MAGI1: variants seen among roughly 807,000 people sequenced by gnomAD.
The protein encoded by MAGI1 is membrane associated guanylate kinase, WW and PDZ domain containing 1, also known as membrane-associated guanylate kinase, WW and PDZ domain-containing protein 1.
Under a neutral mutation model 139.9 loss-of-function variants are expected in MAGI1, and 58 were observed. The observed-to-expected ratio is 0.41, with a 90% confidence interval of 0.34 to 0.52. The LOEUF (loss-of-function observed/expected upper bound fraction) is 0.52, where lower values mean the gene tolerates loss of function less well. Ranked by LOEUF, MAGI1 falls within the 20% of genes least tolerant of loss-of-function variation. The probability of loss-of-function intolerance (pLI) is 0.12; values close to 1 mark genes in which losing one functional copy is unlikely to be tolerated. For synonymous variants in MAGI1, 812 were observed against 737.9 expected (o/e 1.10, Z -1.63); for missense variants, 1,874 against 1,901.6 (o/e 0.99, Z 0.27).
chr3:65,597,001 G>C (rs1471393970), intron 2 of MAGI1, among the ~76,000 whole-genome samples: 2 of 152,098 alleles, frequency 1.3e-5, no homozygotes, highest in African/African-American at 4.8e-5. Flanking sequence ...TTTTCCCCGA[G>C]AGCTTACAAA....
rs397950872 is a variant in MAGI1, at chr3:65,991,307, TA to T, written c.313+46688del. On this transcript the variant is annotated intron_variant, in intron 1 of 22. Transcript: ENST00000402939. ...TCTGTCTAAAAAAAAAAAAAAAAGG[TA>T]AAAAAAAAAAAAAAAGAAAGTTAAT... Among the ~76,000 whole-genome samples the T allele has an allele frequency of 6.9e-3, 749 of 109,234 alleles. 1 individual carries two copies. The highest frequency in any genetic ancestry group is 8.6e-3 in the Non-Finnish European group (445 of 51,450). The allele number at this position is 109,234 out of a possible 152,430, so 71.7% of individuals were successfully genotyped here. A position where few individuals can be genotyped will look rare whatever the true frequency, so the allele number is the denominator to read the frequency against.
intron 1 of MAGI1, among the ~76,000 whole-genome samples, chr3:65,766,600 G>A (rs1334411995): frequency 6.6e-6 from 1 of 151,754 alleles, no homozygotes; most frequent in Non-Finnish European, 1.5e-5. Flanking sequence ...TATTATAACA[G>A]AATAAGAGGC....
chr3:65,752,130 G>C (rs946057777), intron 1 of MAGI1, among the ~76,000 whole-genome samples: 1 of 151,896 alleles, frequency 6.6e-6, no homozygotes, highest in Non-Finnish European at 1.5e-5. Flanking sequence ...TGTATTTTTT[G>C]TACAAACAGG....
At chr3:65,640,631 C>A (rs1481405229) in intron 1 of MAGI1, among the ~76,000 whole-genome samples, 1 of 152,184 alleles carries the variant, frequency 6.6e-6, no homozygotes, top group Non-Finnish European at 1.5e-5. Flanking sequence ...TGGAAGGAAG[C>A]TGAAGAGTTC....
At chr3:65,467,422 C>G (rs886589344) in intron 5 of MAGI1, among the ~76,000 whole-genome samples, 7 of 152,026 alleles carry the variant, frequency 4.6e-5, no homozygotes, top group African/African-American at 1.7e-4. Context: ...AACAAAGTAA[C>G]AAGTATATAT....
intron 1 of MAGI1, among the ~76,000 whole-genome samples, chr3:65,710,941 G>A (rs569468864): frequency 6.6e-6 from 1 of 152,098 alleles, no homozygotes; most frequent in South Asian, 2.1e-4. Context: ...TCCTTGTTCT[G>A]TCCCCTAAAT....
chr3:65,659,963 C>A (rs2086102637), intron 1 of MAGI1, among the ~76,000 whole-genome samples: 1 of 152,156 alleles, frequency 6.6e-6, no homozygotes, highest in Admixed American at 6.5e-5. Flanking sequence ...CCACCCAGAA[C>A]CATACTGACA....
chr3:65,875,268 G>A (rs1218138185), intron 1 of MAGI1, among the ~76,000 whole-genome samples: 1 of 152,078 alleles, frequency 6.6e-6, no homozygotes. Context: ...AAAGGTAAAG[G>A]GTTTGTTGTT....
At position 65,636,915 on chromosome 3, in the gene MAGI1, AT is replaced by A. The variant is rs142353998; in HGVS notation, c.314-14828del. Among the ~76,000 whole-genome samples the A allele has an allele frequency of 9.9e-3, 1,501 of 152,342 alleles. 26 individuals are homozygous for A. Among genetic ancestry groups the A allele is most frequent in the African/African-American group, 0.034 (1,394 of 41,570 alleles). On this transcript the variant is annotated intron_variant, in intron 1 of 22. Transcript: ENST00000402939. ...CTTCAGACCCAGCCGACCAAATCTT[AT>A]CCCCTCAGCACAAAGGCTTCAATAT...
At chr3:65,517,939 C>A (rs1332728199) in intron 2 of MAGI1, among the ~76,000 whole-genome samples, 1 of 152,062 alleles carries the variant, frequency 6.6e-6, no homozygotes, top group Non-Finnish European at 1.5e-5. Flanking sequence ...TTGACTGGAT[C>A]CCAAATGATA....
chr3:65,550,158 C>T (rs1408936458), intron 2 of MAGI1, among the ~76,000 whole-genome samples: 2 of 152,268 alleles, frequency 1.3e-5, no homozygotes, highest in Non-Finnish European at 2.9e-5. Flanking sequence ...AAGTTTCTAT[C>T]CTGGTCCTAC....
intron 12 of MAGI1, among the ~76,000 whole-genome samples, chr3:65,422,716 C>A (rs76553760): frequency 6.6e-6 from 1 of 151,896 alleles, no homozygotes; most frequent in Admixed American, 6.6e-5. Flanking sequence ...GTGGGAGATG[C>A]TGCTTGATTT....
At chr3:65,360,557 G>A (rs1940737261) in intron 22 of MAGI1, 1 of 984,618 alleles carries the variant, frequency 1.0e-6, no homozygotes, top group African/African-American at 1.7e-5. Flanking sequence ...TTTCCCTCAT[G>A]ATGAGCACTG....
intron 4 of MAGI1, among the ~76,000 whole-genome samples, chr3:65,477,565 A>C (rs1950962884): frequency 6.6e-6 from 1 of 152,200 alleles, no homozygotes; most frequent in Non-Finnish European, 1.5e-5. Context: ...ACAACACTGT[A>C]GACTGAAGTT....
In MAGI1 at chr3:65,496,129, A is replaced by G. The variant is rs73115972; in HGVS notation, c.431-2498T>C. Among the ~76,000 whole-genome samples the G allele has an allele frequency of 4.2e-3, 640 of 152,092 alleles. 5 individuals are homozygous for G. The highest frequency in any genetic ancestry group is 4.5e-3 in the Non-Finnish European group (309 of 67,990). ...GAATCACAGCTCACTATCTCCTTGA[A>G]CTACTGGGCTCAAGAGATCCTCTCA... is the stretch of plus-strand genomic sequence containing the variant. On this transcript the variant is annotated intron_variant, in intron 2 of 22. Coordinates refer to ENST00000402939, the MANE Select transcript of MAGI1 (RefSeq NM_001033057.2).
chr3:66,020,905 T>C (rs1250681598), intron 1 of MAGI1, among the ~76,000 whole-genome samples: 1 of 152,104 alleles, frequency 6.6e-6, no homozygotes, highest in Non-Finnish European at 1.5e-5. Flanking sequence ...ATGAGCGCAC[T>C]ACCATATGCT....
chr3:65,840,734 C>T (rs986656948), intron 1 of MAGI1, among the ~76,000 whole-genome samples: 3 of 152,016 alleles, frequency 2.0e-5, no homozygotes, highest in African/African-American at 7.2e-5. Flanking sequence ...TGTTCTGTAG[C>T]TGTTTGTTTT....
At chr3:66,037,089 G>T (rs1406249596) in intron 1 of MAGI1, among the ~76,000 whole-genome samples, 1 of 152,094 alleles carries the variant, frequency 6.6e-6, no homozygotes, top group Non-Finnish European at 1.5e-5. Flanking sequence ...CTGCAGCAAG[G>T]GCTCAAACCC....
At chr3:65,785,043 AGTC>A (rs2039271121) in intron 1 of MAGI1, among the ~76,000 whole-genome samples, 1 of 152,334 alleles carries the variant, frequency 6.6e-6, no homozygotes, top group East Asian at 1.9e-4. Flanking sequence ...TTATACTGAT[AGTC>A]GCACACGCTG....
Sources: gnomAD v4.1 joint callset for allele counts (sites outside exome capture counted in the v4.1 genomes callset) on GRCh38, gnomAD v4.1.1 for gene constraint, MANE v1.5 for transcripts, NCBI Gene and HGNC (gene_info 2026-07-23, HGNC 2026-07-21) for gene names.